The following TFEC variants were observed in gnomAD, a reference collection of about 807,000 sequenced individuals.
TFEC encodes transcription factor EC, also known as class E basic helix-loop-helix protein 34.
In TFEC, 31 loss-of-function variants were observed where a neutral mutation model predicts 41.6. The ratio of observed to expected loss-of-function variants is 0.74; its 90% CI spans 0.56 to 1.01. TFEC has a LOEUF of 1.01. TFEC is among the 50% of genes least tolerant of loss of function. The pLI, the probability that TFEC is intolerant of heterozygous loss-of-function variation, is 0.00. For missense variants in TFEC, 402 were observed against 404.1 expected, an observed-to-expected ratio of 0.99 and a Z score of 0.04; for synonymous variants, 143 against 140.6, an observed-to-expected ratio of 1.02 and a Z score of -0.12.
At chr7:115,962,420 C>T (rs1025625558) in intron 3 of TFEC, among the ~76,000 whole-genome samples, 3 of 151,800 alleles carry the variant, frequency 2.0e-5, no homozygotes, top group African/African-American at 7.2e-5. Flanking sequence ...AGCACTCACA[C>T]TTCTAGATTT....
In TFEC at chr7:115,988,363, T is replaced by C. The variant is rs571190864; in HGVS notation, c.-72-3850A>G. On this transcript the variant is annotated intron_variant, in intron 1 of 7. Coordinates refer to ENST00000265440, the MANE Select transcript of TFEC (RefSeq NM_012252.4). ...CAGATGGGCAATGCAAACAGAGTGA[T>C]AGAAATTCCAAGAAAAAAAACAAAA... is the stretch of plus-strand genomic sequence containing the variant. Among the ~76,000 whole-genome samples the C allele has an allele frequency of 7.2e-5, 11 of 151,932 alleles. No homozygotes were observed. The East Asian group carries it at 1.4e-3, about 19-fold the overall frequency.
chr7:115,968,274 C>G, intron 3 of TFEC: 2 of 1,526,790 alleles, frequency 1.3e-6, no homozygotes, highest in Non-Finnish European at 1.8e-6. Flanking sequence ...AACTTGCAAA[C>G]AATAACCAAG....
At chr7:116,155,981 GC>G (rs1798863677) in intron 1 of TFEC, among the ~76,000 whole-genome samples, 1 of 151,970 alleles carries the variant, frequency 6.6e-6, no homozygotes, top group Non-Finnish European at 1.5e-5. Context: ...AAAAAATATT[GC>G]ATTAATATAT....
At position 115,939,703 on chromosome 7, in the gene TFEC, T is replaced by C. The variant is rs1032515750; in HGVS notation, c.*848A>G. ...CTTCATAAGAAAAGAGAATTTGGAA[T>C]GTGATTCTGATGCAGTCAGAAGCAT... is the stretch of plus-strand genomic sequence containing the variant. On this transcript the variant is annotated 3_prime_UTR_variant, in exon 8 of 8. Coordinates refer to ENST00000265440, the MANE Select transcript of TFEC (RefSeq NM_012252.4). 1 of 152,018 alleles carries C rather than the reference T, an allele frequency of 6.6e-6. No homozygotes were observed. Among genetic ancestry groups the C allele is most frequent in the Non-Finnish European group, 1.5e-5 (1 of 67,962 alleles). The allele number at this position is 152,018 out of a possible 1,614,324, so 9.4% of individuals were successfully genotyped here.
chr7:116,010,706 A>G (rs1794968524), intron 1 of TFEC, among the ~76,000 whole-genome samples: 2 of 152,174 alleles, frequency 1.3e-5, no homozygotes, highest in South Asian at 2.1e-4. Context: ...TGGATTCCTA[A>G]CTTCTAATTA....
At chr7:115,970,721 AG>A (rs1793095532) in intron 3 of TFEC, among the ~76,000 whole-genome samples, 1 of 151,910 alleles carries the variant, frequency 6.6e-6, no homozygotes, top group African/African-American at 2.4e-5. Flanking sequence ...TTATTCACAT[AG>A]GAGCTAGTTA....
rs1004659469 is a variant in TFEC at position 116,113,415 on chromosome 7, T to C, written c.-68-1377A>G. Among the ~76,000 whole-genome samples the C allele has an allele frequency of 3.9e-5, 6 of 152,080 alleles. No individual in the cohort carries two copies. The South Asian group carries it at 1.0e-3, about 26-fold the overall frequency. ...TTGTGCTAGGAGGCAAGCTTGGAAT[T>C]CTCCCTCTAAGCTCTCAAGAAGGAA... is the stretch of plus-strand genomic sequence containing the variant. On this transcript the variant is annotated intron_variant, in intron 1 of 8. Coordinates refer to the TFEC transcript ENST00000484212.
intron 5 of TFEC, among the ~76,000 whole-genome samples, chr7:115,951,960 T>A (rs932300006): frequency 6.6e-6 from 1 of 152,100 alleles, no homozygotes; most frequent in African/African-American, 2.4e-5. Flanking sequence ...TCAACAGATA[T>A]GTTTAAAGCT....
upstream of TFEC, among the ~76,000 whole-genome samples, chr7:116,031,159 A>C (rs1795772672): frequency 1.3e-5 from 2 of 152,092 alleles, no homozygotes; most frequent in Admixed American, 1.3e-4. Context: ...CAATTTTAGG[A>C]ATTGCACATT....
intron 3 of TFEC, among the ~76,000 whole-genome samples, chr7:116,060,871 AAAAT>A (rs58603019): frequency 0.3 from 45,126 of 151,690 alleles, 6,863 homozygotes; most frequent in East Asian, 0.39. Context: ...TAAAAGTTTA[AAAAT>A]AAATAAATAA....
chr7:116,031,348 ATTTC>A (rs1436922894), upstream of TFEC, among the ~76,000 whole-genome samples: 2 of 152,170 alleles, frequency 1.3e-5, no homozygotes, highest in East Asian at 3.9e-4. Flanking sequence ...AGCTTATGAG[ATTTC>A]TTTGTCTTAT....
chr7:116,087,757 G>C (rs1797234035), intron 3 of TFEC, among the ~76,000 whole-genome samples: 1 of 151,954 alleles, frequency 6.6e-6, no homozygotes, highest in Non-Finnish European at 1.5e-5. Flanking sequence ...TACTATTAAT[G>C]AAAAAGGAAA....
At chr7:115,974,888 T>C (rs1230710779) in intron 2 of TFEC, among the ~76,000 whole-genome samples, 1 of 151,944 alleles carries the variant, frequency 6.6e-6, no homozygotes, top group Non-Finnish European at 1.5e-5. Flanking sequence ...ACAATAAAAA[T>C]CACTTTTATA....
Position 116,135,274 on chromosome 7 carries a change from A to G in TFEC, c.-68-23236T>C, listed in dbSNP as rs941925133. On this transcript the variant is annotated intron_variant, in intron 1 of 8. Transcript: ENST00000484212. ...CACTGTACTTTTGAAATAAGGGCAC[A>G]TGGAAAATATGGAAGCGTTTCCTTT... Among the ~76,000 whole-genome samples the G allele has an allele frequency of 2.0e-5, 3 of 152,320 alleles. No homozygotes were observed. The East Asian group carries it at 5.8e-4, about 29-fold the overall frequency.
At chr7:116,123,560 C>A (rs1798151262) in intron 1 of TFEC, among the ~76,000 whole-genome samples, 1 of 152,006 alleles carries the variant, frequency 6.6e-6, no homozygotes, top group African/African-American at 2.4e-5. Context: ...ATCCTGTTGT[C>A]ACTTATATCA....
chr7:115,947,322 C>T lies in TFEC; in HGVS notation c.515+3552G>A, dbSNP rs369206741. On this transcript the variant is annotated intron_variant, in intron 6 of 7. Transcript: ENST00000265440. ...ATTTTCTTAATCCAGTCTATCATTG[C>T]TGGACATTTGGGTTGGTTCCAAGTC... 5.9e-4 allele frequency among the ~76,000 whole-genome samples: 90 copies of T among 151,520 alleles called. 1 individual carries two copies. The highest frequency in any genetic ancestry group is 2.1e-3 in the African/African-American group (85 of 41,412).
At chr7:116,062,599 A>G (rs981553078) in intron 3 of TFEC, among the ~76,000 whole-genome samples, 13 of 119,974 alleles carry the variant, frequency 1.1e-4, no homozygotes, top group Non-Finnish European at 1.9e-4. Flanking sequence ...ATATATATAT[A>G]TCACATTTTT....
intron 5 of TFEC, among the ~76,000 whole-genome samples, chr7:115,951,246 C>T (rs12706061): frequency 0.14 from 21,679 of 151,956 alleles, 2,061 homozygotes; most frequent in Non-Finnish European, 0.21. Context: ...TATATATTAA[C>T]ATGTATAACT....
chr7:116,030,409 C>T (rs984523223), intron 1 of TFEC, among the ~76,000 whole-genome samples: 1 of 152,186 alleles, frequency 6.6e-6, no homozygotes, highest in Admixed American at 6.5e-5. Flanking sequence ...GTGATTTCCA[C>T]ATCTTGGTTG....
Sources: gnomAD v4.1 joint callset for allele counts (sites outside exome capture counted in the v4.1 genomes callset) on GRCh38, gnomAD v4.1.1 for gene constraint, MANE v1.5 for transcripts, NCBI Gene and HGNC (gene_info 2026-07-23, HGNC 2026-07-21) for gene names.